Variants in NBAS observed in about 807,000 individuals in gnomAD.
NBAS encodes the protein NBAS subunit of NRZ tethering complex.
In NBAS, 219 loss-of-function variants were observed where a neutral mutation model predicts 302.5. The observed-to-expected ratio is 0.72, with a 90% CI of 0.65 to 0.81. NBAS has a LOEUF of 0.81. NBAS is among the 30% of genes least tolerant of loss of function. NBAS has a pLI of 0.00. For missense variants in NBAS, 2,932 were observed against 2,841.6 expected (o/e 1.03, Z -0.72); for synonymous variants, 1,118 against 1,021.6 (o/e 1.09, Z -1.80).
chr2:15,116,741 T>A, the NBAS span, among the ~76,000 whole-genome samples: 3 of 152,188 alleles, frequency 2.0e-5, no homozygotes, highest in Non-Finnish European at 2.9e-5. Flanking sequence ...CAAAAGTAAG[T>A]AGTAAAAGCA....
At chr2:15,151,929 C>A in the NBAS span, among the ~76,000 whole-genome samples, 21 of 152,082 alleles carry the variant, frequency 1.4e-4, no homozygotes, top group African/African-American at 5.1e-4. Flanking sequence ...CTCACTGCAA[C>A]CTCCGCCTCC....
At chr2:15,319,162 G>A (rs949376216) in intron 38 of NBAS, among the ~76,000 whole-genome samples, 3 of 152,110 alleles carry the variant, frequency 2.0e-5, no homozygotes, top group African/African-American at 4.8e-5. Context: ...GGTACATAAC[G>A]AAATGAAGGC....
At chr2:15,370,456 C>G (rs1378259596) in intron 31 of NBAS, among the ~76,000 whole-genome samples, 1 of 152,134 alleles carries the variant, frequency 6.6e-6, no homozygotes, top group South Asian at 2.1e-4. Flanking sequence ...CCAAGCCTGG[C>G]TAATTTTTTA....
At chr2:15,058,980 T>C in the NBAS span, among the ~76,000 whole-genome samples, 3 of 152,208 alleles carry the variant, frequency 2.0e-5, no homozygotes, top group African/African-American at 7.2e-5. Context: ...AGTATCTGCT[T>C]CTAGCCCATC....
At chr2:14,856,925 C>A in the NBAS span, among the ~76,000 whole-genome samples, 39 of 152,008 alleles carry the variant, frequency 2.6e-4, no homozygotes, top group African/African-American at 9.4e-4. Context: ...TTTGAAAAAC[C>A]TAAAGACTTC....
chr2:15,235,931 C>T (rs771797225), intron 45 of NBAS, among the ~76,000 whole-genome samples: 2 of 152,054 alleles, frequency 1.3e-5, no homozygotes, highest in Admixed American at 6.5e-5. Flanking sequence ...AGGATGAAAG[C>T]CTTCAACTTT....
the NBAS span, among the ~76,000 whole-genome samples, chr2:14,873,067 G>A: frequency 2.0e-5 from 3 of 152,148 alleles, no homozygotes; most frequent in Non-Finnish European, 4.4e-5. Context: ...AGGCTAGCTC[G>A]GGTGGACTGC....
intron 6 of NBAS, 113 bp from the exon 7 acceptor site, chr2:15,539,469 T>G: frequency 2.4e-6 from 3 of 1,275,322 alleles, no homozygotes; most frequent in Non-Finnish European, 3.4e-6. Flanking sequence ...CGTCATCTCC[T>G]AAGGATCTCT....
At chr2:15,532,447 C>A (rs1663266047) in intron 9 of NBAS, among the ~76,000 whole-genome samples, 1 of 148,964 alleles carries the variant, frequency 6.7e-6, no homozygotes, top group Admixed American at 6.7e-5. Context: ...CGAGATTGCG[C>A]CACTGCACTC....
intron 38 of NBAS, among the ~76,000 whole-genome samples, chr2:15,325,710 C>T (rs2148217115): frequency 6.6e-6 from 1 of 152,308 alleles, no homozygotes; most frequent in Admixed American, 6.5e-5. Flanking sequence ...GGTTGTTTTG[C>T]TTTCTTATCA....
At chr2:15,012,313 CA>C in the NBAS span, among the ~76,000 whole-genome samples, 1 of 151,500 alleles carries the variant, frequency 6.6e-6, no homozygotes, top group South Asian at 2.1e-4. Flanking sequence ...CTATACCAAG[CA>C]AAAGAAAAGG....
In NBAS at chr2:15,467,769, A is replaced by G. The variant is rs764629060; in HGVS notation, c.1913T>C (p.Ile638Thr). The change falls in exon 18 of 52, where the codon ATC becomes ACC. Residue 638 changes from isoleucine (I) to threonine (T), a missense_variant. Ile to Thr is a moderately conservative substitution (Grantham distance 89). Transcript: ENST00000281513. ...TLPGEIDIDS[I>T]SYEELSPPDE... ...AGGTGGTGAAAGCTCTTCATAGGAG[A>G]TACTGTCAATGTCTATTTCACCAGG... 1 of 1,594,532 alleles carries G rather than the reference A, an allele frequency of 6.3e-7. No individual in the cohort carries two copies. The highest frequency in any genetic ancestry group is 1.1e-5 in the South Asian group (1 of 90,528).
the NBAS span, among the ~76,000 whole-genome samples, chr2:15,119,658 T>C: frequency 2.6e-5 from 4 of 152,200 alleles, no homozygotes; most frequent in East Asian, 7.7e-4. Flanking sequence ...TTTCTAATGT[T>C]TGGGCATAGC....
chr2:14,888,970 G>A, the NBAS span, among the ~76,000 whole-genome samples: 5,777 of 152,228 alleles, frequency 0.038, 133 homozygotes, highest in Non-Finnish European at 0.051. Context: ...CACTTCCCGC[G>A]GGCCTGTGCC....
At chr2:15,423,805 T>C (rs762141599) in intron 23 of NBAS, among the ~76,000 whole-genome samples, 1 of 152,220 alleles carries the variant, frequency 6.6e-6, no homozygotes, top group Non-Finnish European at 1.5e-5. Context: ...AGGTTCAGTA[T>C]AATCGTCATC....
chr2:15,451,019 T>C (rs986900255), intron 21 of NBAS, among the ~76,000 whole-genome samples: 3 of 151,300 alleles, frequency 2.0e-5, no homozygotes, highest in African/African-American at 7.4e-5. Flanking sequence ...AAAAAGGTAA[T>C]TTAGCTTCAT....
At chr2:14,863,575 C>T in the NBAS span, among the ~76,000 whole-genome samples, 44,602 of 151,840 alleles carry the variant, frequency 0.29, 7,053 homozygotes, top group East Asian at 0.4. Context: ...GACTGTTTCA[C>T]TATTTTTGTG....
intron 3 of NBAS, among the ~76,000 whole-genome samples, chr2:15,555,226 T>C (rs953765462): frequency 2.0e-5 from 3 of 150,278 alleles, no homozygotes; most frequent in Non-Finnish European, 2.9e-5. Flanking sequence ...ATAGCCACTA[T>C]ACTCCAGCCT....
chr2:14,888,052 T>C, the NBAS span, among the ~76,000 whole-genome samples: 1 of 152,204 alleles, frequency 6.6e-6, no homozygotes, highest in African/African-American at 2.4e-5. Flanking sequence ...CAAGTGATCT[T>C]TTCAGGATGG....
Sources: allele counts gnomAD v4.1 joint callset (sites outside exome capture counted in the v4.1 genomes callset), GRCh38; gene constraint gnomAD v4.1.1; transcripts MANE v1.5; gene names NCBI Gene and HGNC (gene_info 2026-07-23, HGNC 2026-07-21).